Variants in RBFOX1 observed in about 807,000 individuals in gnomAD.
RBFOX1 encodes the protein RNA binding fox-1 homolog 1, also known as RNA binding protein fox-1 homolog 1.
In RBFOX1, 8 loss-of-function variants were observed where a neutral mutation model predicts 57.7. The observed-to-expected ratio is 0.14, with a 90% CI of 0.08 to 0.25. RBFOX1 has a LOEUF of 0.25. Among genes scored for constraint, RBFOX1 ranks in the 10% least tolerant of loss-of-function variants. RBFOX1 has a pLI of 1.00. For missense variants in RBFOX1, 611 were observed against 548.5 expected (o/e 1.11, Z -1.14); for synonymous variants, 326 against 222.4 (o/e 1.47, Z -4.15).
In RBFOX1 at chr16:6,780,191, TTATATATTTTTATATATTTA is replaced by T. The variant is rs1351168123; in HGVS notation, c.-16+125551_-16+125570del. On this transcript the variant is annotated intron_variant, in intron 3 of 15. Coordinates refer to ENST00000550418, the MANE Select transcript of RBFOX1 (RefSeq NM_018723.4). ...TATTTTTATATATTTATATATATAT[TTATATATTTTTATATATTTA>T]TATATATTTATATATATATTTATAT... 9.1e-4 allele frequency among the ~76,000 whole-genome samples: 29 copies of T among 31,916 alleles called. 2 individuals carry two copies. Among genetic ancestry groups the T allele is most frequent in the African/African-American group, 8.5e-3 (27 of 3,164 alleles). The allele number at this position is 31,916 out of a possible 152,430, so 20.9% of individuals were successfully genotyped here.
At chr16:7,609,092 C>G (rs2056916374) in intron 10 of RBFOX1, among the ~76,000 whole-genome samples, 1 of 152,206 alleles carries the variant, frequency 6.6e-6, no homozygotes, top group African/African-American at 2.4e-5. Context: ...AAAAGTCAGA[C>G]AACAGCTTCC....
At chr16:7,642,591 C>T (rs997234495) in intron 11 of RBFOX1, among the ~76,000 whole-genome samples, 1 of 152,158 alleles carries the variant, frequency 6.6e-6, no homozygotes. Context: ...ACCGAGCTTG[C>T]TGTTTCAGCC....
At chr16:6,545,083 A>G (rs1243032722) in intron 2 of RBFOX1, among the ~76,000 whole-genome samples, 1 of 152,166 alleles carries the variant, frequency 6.6e-6, no homozygotes, top group Non-Finnish European at 1.5e-5. Flanking sequence ...GGGAGATAAA[A>G]GTAATAACAA....
intron 3 of RBFOX1, among the ~76,000 whole-genome samples, chr16:6,865,123 C>T (rs111367090): frequency 2.0e-5 from 3 of 151,458 alleles, no homozygotes; most frequent in Admixed American, 1.3e-4. Flanking sequence ...CACCCTTAGC[C>T]TCCCAAGTAG....
intron 2 of RBFOX1, among the ~76,000 whole-genome samples, chr16:6,402,920 T>C (rs1344946482): frequency 1.3e-5 from 2 of 152,194 alleles, no homozygotes; most frequent in African/African-American, 4.8e-5. Flanking sequence ...TAATCAAAGC[T>C]TCAGTAGACA....
intron 1 of RBFOX1, among the ~76,000 whole-genome samples, chr16:6,271,449 G>T (rs1022339506): frequency 2.6e-5 from 4 of 152,040 alleles, no homozygotes; most frequent in Non-Finnish European, 5.9e-5. Flanking sequence ...AACAGGGAAG[G>T]AAGTTATAAA....
intron 3 of RBFOX1, among the ~76,000 whole-genome samples, chr16:5,770,995 G>T (rs1252162928): frequency 6.6e-6 from 1 of 152,132 alleles, no homozygotes; most frequent in African/African-American, 2.4e-5. Flanking sequence ...CTGGAGGTGT[G>T]GTCTGCAAAC....
intron 3 of RBFOX1, among the ~76,000 whole-genome samples, chr16:5,786,610 C>G (rs1413390797): frequency 6.6e-6 from 1 of 152,168 alleles, no homozygotes; most frequent in Non-Finnish European, 1.5e-5. Flanking sequence ...CTGCACCTGT[C>G]TTGGTCCTAC....
chr16:5,535,133 G>T (rs1266062354), intron 2 of RBFOX1, among the ~76,000 whole-genome samples: 2 of 152,154 alleles, frequency 1.3e-5, no homozygotes, highest in African/African-American at 4.8e-5. Flanking sequence ...CAGCTACTTA[G>T]GTTTGAAAAA....
chr16:7,023,459 C>CA (rs368260398), intron 3 of RBFOX1, among the ~76,000 whole-genome samples: 3,666 of 124,804 alleles, frequency 0.029, 138 homozygotes, highest in African/African-American at 0.094. Flanking sequence ...GACTCCATCT[C>CA]AAAAAAAAAA....
At chr16:7,267,995 G>T (rs924787292) in intron 4 of RBFOX1, among the ~76,000 whole-genome samples, 1 of 152,196 alleles carries the variant, frequency 6.6e-6, no homozygotes, top group Non-Finnish European at 1.5e-5. Flanking sequence ...GCAAACATCA[G>T]AGTGTACTCA....
In RBFOX1 at chr16:5,778,947, T is replaced by A. The variant is rs2054237789; in HGVS notation, c.319-88356T>A. Reference sequence around the variant, plus strand: ...GGCATATAAAGCACTCAATTTTTTTTATTCATTAAGCCCCTCATCCATTGA... The same window carrying A: ...GGCATATAAAGCACTCAATTTTTTTAATTCATTAAGCCCCTCATCCATTGA... On this transcript the variant is annotated intron_variant, in intron 3 of 19. Transcript: ENST00000641259. Among the ~76,000 whole-genome samples, 3 of 152,234 alleles carry A rather than the reference T, an allele frequency of 2.0e-5. No individual in the cohort carries two copies. The South Asian group carries it at 6.2e-4, about 32-fold the overall frequency.
intron 2 of RBFOX1, among the ~76,000 whole-genome samples, chr16:6,651,114 C>T (rs62017865): frequency 1.3e-5 from 2 of 152,010 alleles, no homozygotes; most frequent in Non-Finnish European, 1.5e-5. Flanking sequence ...ATTAGCCAGG[C>T]TGATCTCAAA....
At chr16:6,818,676 C>A (rs1323988172) in intron 3 of RBFOX1, among the ~76,000 whole-genome samples, 1 of 152,130 alleles carries the variant, frequency 6.6e-6, no homozygotes, top group Non-Finnish European at 1.5e-5. Context: ...TCTGGTAAAG[C>A]CCCTTAGTGT....
At chr16:6,649,576 T>G (rs939450408) in intron 2 of RBFOX1, among the ~76,000 whole-genome samples, 5 of 152,210 alleles carry the variant, frequency 3.3e-5, no homozygotes, top group Admixed American at 3.3e-4. Context: ...CTTTGCTTCC[T>G]CATCGCTTAG....
chr16:6,699,255 C>T (rs1384278300), intron 3 of RBFOX1, among the ~76,000 whole-genome samples: 1 of 151,502 alleles, frequency 6.6e-6, no homozygotes, highest in African/African-American at 2.4e-5. Context: ...TCTTCACGTT[C>T]ACTGTTGTGA....
At chr16:7,217,100 C>T (rs1214734911) in intron 4 of RBFOX1, among the ~76,000 whole-genome samples, 1 of 136,828 alleles carries the variant, frequency 7.3e-6, no homozygotes. Flanking sequence ...CCCTTTCCTT[C>T]CCTTCCCTTT....
chr16:7,625,744 T>C (rs565972831), intron 10 of RBFOX1, among the ~76,000 whole-genome samples: 53 of 152,312 alleles, frequency 3.5e-4, no homozygotes, highest in African/African-American at 1.1e-3. Context: ...CATTTGATAC[T>C]AAAAGGGAAC....
At chr16:7,001,364 G>C (rs981415561) in intron 3 of RBFOX1, among the ~76,000 whole-genome samples, 1 of 114,684 alleles carries the variant, frequency 8.7e-6, no homozygotes. Flanking sequence ...GTGTTTGTGT[G>C]TATGTGTATG....
Sources: allele counts gnomAD v4.1 joint callset (sites outside exome capture counted in the v4.1 genomes callset), GRCh38; gene constraint gnomAD v4.1.1; transcripts MANE v1.5; gene names NCBI Gene and HGNC (gene_info 2026-07-23, HGNC 2026-07-21).